The following DPP10 variants were observed in gnomAD, a reference collection of about 807,000 sequenced individuals.
The protein encoded by DPP10 is inactive dipeptidyl peptidase 10.
In DPP10, 33 loss-of-function variants were observed where a neutral mutation model predicts 120.9. The ratio of observed to expected loss-of-function variants is 0.27; its 90% CI spans 0.21 to 0.37. The LOEUF (loss-of-function observed/expected upper bound fraction) is 0.37. Among genes scored for constraint, DPP10 ranks in the 10% least tolerant of loss-of-function variants. The pLI, the probability that DPP10 is intolerant of heterozygous loss-of-function variation, is 1.00. For missense variants in DPP10, 816 were observed against 942.8 expected, an observed-to-expected ratio of 0.87 and a Z score of 1.76; for synonymous variants, 337 against 326.1, an observed-to-expected ratio of 1.03 and a Z score of -0.36.
At chr2:115,591,336 G>A (rs2082648472) in intron 5 of DPP10, among the ~76,000 whole-genome samples, 1 of 152,098 alleles carries the variant, frequency 6.6e-6, no homozygotes, top group Non-Finnish European at 1.5e-5. Context: ...TTTTTGTAAG[G>A]TGTAAGGGAG....
At chr2:115,194,626 G>A (rs1342314772) in intron 1 of DPP10, among the ~76,000 whole-genome samples, 1 of 152,158 alleles carries the variant, frequency 6.6e-6, no homozygotes, top group Admixed American at 6.5e-5. Context: ...AAACGAAGGG[G>A]TTTGGCCCGT....
At chr2:115,610,828 T>C (rs1296221006) in intron 5 of DPP10, among the ~76,000 whole-genome samples, 1 of 152,188 alleles carries the variant, frequency 6.6e-6, no homozygotes, top group African/African-American at 2.4e-5. Context: ...CTTTTTGTAT[T>C]ATTATTTTGA....
At chr2:115,503,850 G>A (rs986260337) in intron 4 of DPP10, among the ~76,000 whole-genome samples, 1 of 152,082 alleles carries the variant, frequency 6.6e-6, no homozygotes. Flanking sequence ...GGGGTTTGCT[G>A]TGGGAATCTA....
At chr2:114,450,121 A>C (rs1678176235) in intron 1 of DPP10, among the ~76,000 whole-genome samples, 1 of 152,118 alleles carries the variant, frequency 6.6e-6, no homozygotes, top group South Asian at 2.1e-4. Context: ...GTATCATGGA[A>C]TAAATATAGG....
At chr2:114,689,033 C>A (rs1699557330) in intron 1 of DPP10, among the ~76,000 whole-genome samples, 1 of 151,682 alleles carries the variant, frequency 6.6e-6, no homozygotes, top group Admixed American at 6.6e-5. Context: ...AGTCCAGCTT[C>A]CCCTCCGTGG....
At chr2:115,035,502 C>G (rs577047048) in intron 1 of DPP10, among the ~76,000 whole-genome samples, 1 of 152,264 alleles carries the variant, frequency 6.6e-6, no homozygotes, top group African/African-American at 2.4e-5. Context: ...ATTTTCAGAA[C>G]GATTCTTATA....
intron 1 of DPP10, among the ~76,000 whole-genome samples, chr2:114,452,784 A>G (rs1573383081): frequency 6.6e-6 from 1 of 152,302 alleles, no homozygotes; most frequent in African/African-American, 2.4e-5. Flanking sequence ...ATGCCCAAAT[A>G]TCATGGCCTA....
rs1005284445 is a variant in DPP10 at position 114,487,452 on chromosome 2, C to A, written c.60+44614C>A. Among the ~76,000 whole-genome samples the A allele has an allele frequency of 3.3e-5, 5 of 152,050 alleles. 1 individual carries two copies. The highest frequency in any genetic ancestry group is 1.2e-4 in the African/African-American group (5 of 41,404). ...CTAATTGTGGTGGGAAAATAAATGT[C>A]AAGTAAAAATTAAATCTGTTTAAGC... is the stretch of plus-strand genomic sequence containing the variant. On this transcript the variant is annotated intron_variant, in intron 1 of 25. Coordinates refer to ENST00000410059, the MANE Select transcript of DPP10 (RefSeq NM_020868.6).
chr2:114,896,505 T>A (rs1224635340), intron 1 of DPP10, among the ~76,000 whole-genome samples: 1 of 152,070 alleles, frequency 6.6e-6, no homozygotes, highest in Non-Finnish European at 1.5e-5. Flanking sequence ...CAATTGTGAA[T>A]GGGAGTTCAC....
Position 114,490,627 on chromosome 2 carries a change from C to T in DPP10, c.60+47789C>T, listed in dbSNP as rs76277666. On this transcript the variant is annotated intron_variant, in intron 1 of 25. Coordinates refer to ENST00000410059, the MANE Select transcript of DPP10 (RefSeq NM_020868.6). ...GATTTGAAGAATTGATAGAACTTGG[C>T]TTATGGAGAAGCAAAGGGGGAGAAG... Among the ~76,000 whole-genome samples, 52 of 152,122 alleles carry T rather than the reference C, an allele frequency of 3.4e-4. No homozygotes were observed. The East Asian group carries it at 5.6e-3, about 16-fold the overall frequency.
intron 7 of DPP10, 110 bp downstream of exon 7, chr2:115,690,031 G>T: frequency 1.1e-6 from 1 of 950,152 alleles, no homozygotes; most frequent in Non-Finnish European, 1.6e-6. Context: ...AAAACTTTAT[G>T]TTTCCCTAAG....
At chr2:115,096,953 T>C (rs1230061276) in intron 1 of DPP10, among the ~76,000 whole-genome samples, 3 of 152,176 alleles carry the variant, frequency 2.0e-5, no homozygotes, top group African/African-American at 7.2e-5. Context: ...GTAATGAAGT[T>C]TAAACTCATT....
At chr2:115,517,584 T>C (rs760031504) in intron 4 of DPP10, among the ~76,000 whole-genome samples, 1 of 152,168 alleles carries the variant, frequency 6.6e-6, no homozygotes, top group Non-Finnish European at 1.5e-5. Context: ...TCTATTTATG[T>C]CATTCTCTTG....
At chr2:115,103,409 C>A (rs1042908167) in intron 1 of DPP10, among the ~76,000 whole-genome samples, 1 of 152,032 alleles carries the variant, frequency 6.6e-6, no homozygotes, top group East Asian at 1.9e-4. Context: ...AGGATGGCCG[C>A]GATCTCCTGA....
At chr2:115,828,035 T>G (rs375402007) in intron 21 of DPP10, among the ~76,000 whole-genome samples, 1 of 152,158 alleles carries the variant, frequency 6.6e-6, no homozygotes, top group Non-Finnish European at 1.5e-5. Flanking sequence ...TTTCTTCTGC[T>G]TGAAGAACAT....
intron 1 of DPP10, among the ~76,000 whole-genome samples, chr2:115,274,098 T>C (rs1252189815): frequency 1.3e-5 from 2 of 152,140 alleles, no homozygotes; most frequent in Non-Finnish European, 2.9e-5. Context: ...TGTGTGTGTG[T>C]GTGTCTGTGT....
At chr2:115,038,431 C>T (rs770750355) in intron 1 of DPP10, among the ~76,000 whole-genome samples, 12 of 151,918 alleles carry the variant, frequency 7.9e-5, no homozygotes, top group South Asian at 2.1e-4. Flanking sequence ...CCACCACGCC[C>T]GGCTAATGTT....
intron 1 of DPP10, among the ~76,000 whole-genome samples, chr2:114,556,449 T>A (rs1401539487): frequency 2.6e-5 from 4 of 151,906 alleles, no homozygotes; most frequent in African/African-American, 9.7e-5. Context: ...GGGCCATTTA[T>A]AGAGAGAAGG....
chr2:114,675,051 A>G (rs1698583271), intron 1 of DPP10, among the ~76,000 whole-genome samples: 1 of 152,174 alleles, frequency 6.6e-6, no homozygotes, highest in African/African-American at 2.4e-5. Context: ...ATCTTGCAGT[A>G]TGCCAGCAGT....
Sources: gnomAD v4.1 joint callset for allele counts (sites outside exome capture counted in the v4.1 genomes callset) on GRCh38, gnomAD v4.1.1 for gene constraint, MANE v1.5 for transcripts, NCBI Gene and HGNC (gene_info 2026-07-23, HGNC 2026-07-21) for gene names.